Variants in FHIT observed in about 807,000 individuals in gnomAD.
The protein encoded by FHIT is bis(5'-adenosyl)-triphosphatase.
FHIT carries 19 observed loss-of-function variants against 17.9 expected under a neutral mutation model. The observed-to-expected ratio is 1.06, with a 90% confidence interval of 0.74 to 1.56. The LOEUF is 1.56. FHIT is among the 40% of genes most tolerant of loss of function. The probability of loss-of-function intolerance (pLI) is 0.00; values close to 1 mark genes in which losing one functional copy is unlikely to be tolerated. For synonymous variants in FHIT, 81 were observed against 69.7 expected, an observed-to-expected ratio of 1.16 and a Z score of -0.81; for missense variants, 248 against 189.2, an observed-to-expected ratio of 1.31 and a Z score of -1.82.
chr3:60,094,057 G>A (rs928182876), intron 5 of FHIT, among the ~76,000 whole-genome samples: 60 of 151,944 alleles, frequency 3.9e-4, no homozygotes, highest in African/African-American at 1.4e-3. Flanking sequence ...AGAGCCCCCA[G>A]AATTCCAGAA....
intron 3 of FHIT, among the ~76,000 whole-genome samples, chr3:60,905,264 G>T (rs1706345017): frequency 6.6e-6 from 1 of 152,124 alleles, no homozygotes; most frequent in Admixed American, 6.5e-5. Context: ...TTGCCTATGA[G>T]ATTGTCAAAA....
chr3:61,192,788 A>G (rs1365352557), intron 2 of FHIT, among the ~76,000 whole-genome samples: 1 of 152,134 alleles, frequency 6.6e-6, no homozygotes, highest in East Asian at 1.9e-4. Flanking sequence ...AAAAAAAAAG[A>G]CAACTGAGAT....
intron 5 of FHIT, among the ~76,000 whole-genome samples, chr3:60,276,498 G>C (rs750173717): frequency 9.9e-5 from 15 of 152,158 alleles, no homozygotes; most frequent in Non-Finnish European, 2.2e-4. Flanking sequence ...CCTGGTGAGA[G>C]AACTGGCCTC....
At chr3:60,875,409 C>A (rs1215270712) in intron 3 of FHIT, among the ~76,000 whole-genome samples, 3 of 152,248 alleles carry the variant, frequency 2.0e-5, no homozygotes, top group East Asian at 1.9e-4. Context: ...CCTTAAATGC[C>A]AAGTTAGTTC....
intron 7 of FHIT, among the ~76,000 whole-genome samples, chr3:59,989,517 A>T (rs956347229): frequency 6.6e-6 from 1 of 152,056 alleles, no homozygotes; most frequent in African/African-American, 2.4e-5. Context: ...CTACCTCACC[A>T]TGGCACAGGG....
At chr3:59,969,197 G>A (rs1342047438) in intron 7 of FHIT, among the ~76,000 whole-genome samples, 2 of 152,112 alleles carry the variant, frequency 1.3e-5, no homozygotes, top group African/African-American at 2.4e-5. Context: ...GCTGTTCTAC[G>A]CATATTTACT....
chr3:60,531,525 G>A (rs572274271), intron 5 of FHIT, among the ~76,000 whole-genome samples: 3 of 152,032 alleles, frequency 2.0e-5, no homozygotes, highest in African/African-American at 4.8e-5. Flanking sequence ...TGATCCGCCC[G>A]CCTCGGCCTC....
At chr3:60,900,273 C>T (rs1282672449) in intron 3 of FHIT, among the ~76,000 whole-genome samples, 1 of 151,968 alleles carries the variant, frequency 6.6e-6, no homozygotes, top group East Asian at 1.9e-4. Context: ...TAAAAACAAC[C>T]TCAGTAGCCA....
chr3:60,635,194 G>T (rs2039549968), intron 4 of FHIT, among the ~76,000 whole-genome samples: 1 of 152,186 alleles, frequency 6.6e-6, no homozygotes, highest in Non-Finnish European at 1.5e-5. Context: ...GTTAGAGTCA[G>T]AAATATAAAA....
intron 3 of FHIT, among the ~76,000 whole-genome samples, chr3:61,022,099 C>T (rs1241962560): frequency 6.6e-6 from 1 of 151,810 alleles, no homozygotes; most frequent in African/African-American, 2.4e-5. Context: ...AGACTGCTAG[C>T]CAGACTAATA....
intron 3 of FHIT, among the ~76,000 whole-genome samples, chr3:60,906,130 G>C (rs1201703972): frequency 6.6e-6 from 1 of 152,190 alleles, no homozygotes; most frequent in Non-Finnish European, 1.5e-5. Context: ...ACAGTATTCT[G>C]AATGTATATC....
chr3:60,929,648 C>A (rs1167013700), intron 3 of FHIT, among the ~76,000 whole-genome samples: 1 of 152,158 alleles, frequency 6.6e-6, no homozygotes, highest in East Asian at 1.9e-4. Context: ...AGGAATCCAA[C>A]TTACAAGGGA....
chr3:61,083,514 T>C (rs6774890), intron 2 of FHIT, among the ~76,000 whole-genome samples: 6,116 of 152,176 alleles, frequency 0.04, 216 homozygotes, highest in African/African-American at 0.092. Flanking sequence ...GGCGTGAACC[T>C]GGGAGGAGGA....
intron 8 of FHIT, among the ~76,000 whole-genome samples, chr3:59,887,703 A>C (rs1012437640): frequency 2.8e-4 from 42 of 152,214 alleles, no homozygotes; most frequent in African/African-American, 9.9e-4. Context: ...TGCATCCAGC[A>C]GCACATCCTA....
At chr3:60,558,399 T>A (rs6805296) in intron 4 of FHIT, among the ~76,000 whole-genome samples, 26 of 151,056 alleles carry the variant, frequency 1.7e-4, no homozygotes, top group Admixed American at 1.5e-3. Flanking sequence ...AATATTTCTC[T>A]GATGTCATGG....
intron 3 of FHIT, among the ~76,000 whole-genome samples, chr3:60,974,824 T>A (rs1190036641): frequency 6.6e-6 from 1 of 152,178 alleles, no homozygotes. Flanking sequence ...ACATGAGGCC[T>A]GAAATTTATC....
At chr3:60,393,894 C>A (rs1045871215) in intron 5 of FHIT, among the ~76,000 whole-genome samples, 2 of 152,160 alleles carry the variant, frequency 1.3e-5, no homozygotes, top group African/African-American at 4.8e-5. Context: ...TCTGCATTTG[C>A]CACCCTGCTC....
rs538359953 is a variant in FHIT, at chr3:61,088,840, GA to G, written c.-163-46742del. Among the ~76,000 whole-genome samples, 534 of 152,206 alleles carry G rather than the reference GA, an allele frequency of 3.5e-3. 2 individuals carry two copies. The highest frequency in any genetic ancestry group is 0.01 in the African/African-American group (416 of 41,542). ...CTTATGCTGTTGTACCTACCAAAAA[GA>G]CACCATGAAAACTGCAAGTATGGCT... is the stretch of plus-strand genomic sequence containing the variant. On this transcript the variant is annotated intron_variant, in intron 2 of 9. Coordinates refer to ENST00000492590, the MANE Select transcript of FHIT (RefSeq NM_002012.4).
chr3:60,310,033 C>G (rs1308655066), intron 5 of FHIT, among the ~76,000 whole-genome samples: 1 of 152,146 alleles, frequency 6.6e-6, no homozygotes, highest in Non-Finnish European at 1.5e-5. Flanking sequence ...GAGCACCTGC[C>G]TGCTGTCTGG....
Sources: gnomAD v4.1 joint callset for allele counts (sites outside exome capture counted in the v4.1 genomes callset) on GRCh38, gnomAD v4.1.1 for gene constraint, MANE v1.5 for transcripts, NCBI Gene and HGNC (gene_info 2026-07-23, HGNC 2026-07-21) for gene names.